COL24A1: variants seen among roughly 807,000 people sequenced by gnomAD.
The protein encoded by COL24A1 is collagen alpha-1(XXIV) chain.
Under a neutral mutation model 253.9 loss-of-function variants are expected in COL24A1, and 224 were observed. The ratio of observed to expected loss-of-function variants is 0.88; its 90% CI spans 0.79 to 0.99. The LOEUF (loss-of-function observed/expected upper bound fraction) is 0.99. COL24A1 is among the 50% of genes least tolerant of loss of function. The probability of loss-of-function intolerance (pLI) is 0.00; values close to 1 mark genes in which losing one functional copy is unlikely to be tolerated. For synonymous variants in COL24A1, 685 were observed against 673.7 expected (o/e 1.02, Z -0.26); for missense variants, 2,131 against 2,068.5 (o/e 1.03, Z -0.59).
chr1:85,927,121 C>T (rs943570094), intron 24 of COL24A1, among the ~76,000 whole-genome samples: 5 of 152,094 alleles, frequency 3.3e-5, no homozygotes, highest in Admixed American at 6.5e-5. Context: ...CAGCTCCCAG[C>T]GTGAGCGACG....
chr1:85,862,501 C>A (rs1679270549), intron 37 of COL24A1, among the ~76,000 whole-genome samples: 1 of 152,108 alleles, frequency 6.6e-6, no homozygotes, highest in Non-Finnish European at 1.5e-5. Context: ...TGGGGCCCTG[C>A]TAACTTAGCA....
chr1:86,101,047 C>T (rs961581232), intron 5 of COL24A1, among the ~76,000 whole-genome samples: 4 of 151,910 alleles, frequency 2.6e-5, no homozygotes, highest in Non-Finnish European at 2.9e-5. Flanking sequence ...CAGAAGTGTG[C>T]GTCTGGGCAT....
At chr1:85,829,636 C>T (rs313762) in intron 43 of COL24A1, among the ~76,000 whole-genome samples, 26 of 151,840 alleles carry the variant, frequency 1.7e-4, no homozygotes, top group Admixed American at 7.9e-4. Flanking sequence ...TTATTCTTTT[C>T]TCTCTAAACT....
At chr1:85,856,898 C>T (rs896438571) in intron 37 of COL24A1, among the ~76,000 whole-genome samples, 1 of 151,896 alleles carries the variant, frequency 6.6e-6, no homozygotes, top group African/African-American at 2.4e-5. Flanking sequence ...ACAAAGCTGT[C>T]CTGTGATAGA....
At chr1:86,083,264 C>T (rs1031522252) in intron 7 of COL24A1, among the ~76,000 whole-genome samples, 2 of 151,636 alleles carry the variant, frequency 1.3e-5, no homozygotes, top group African/African-American at 4.8e-5. Context: ...CACCACTGCA[C>T]TCCAGCCTGG....
chr1:85,974,639 A>G (rs1173310364), intron 20 of COL24A1, among the ~76,000 whole-genome samples: 4 of 152,130 alleles, frequency 2.6e-5, no homozygotes, highest in Admixed American at 2.0e-4. Context: ...ACACAATTAG[A>G]GAGAGACACA....
intron 55 of COL24A1, among the ~76,000 whole-genome samples, chr1:85,757,729 T>C (rs541886466): frequency 1.3e-5 from 2 of 152,302 alleles, no homozygotes; most frequent in South Asian, 2.1e-4. Context: ...GTTGAATTTA[T>C]TGACTTTTTC....
At chr1:85,946,830 A>C (rs964645981) in intron 24 of COL24A1, among the ~76,000 whole-genome samples, 1 of 152,216 alleles carries the variant, frequency 6.6e-6, no homozygotes, top group Non-Finnish European at 1.5e-5. Context: ...TTTAATTTTC[A>C]ATATTCAAAC....
chr1:85,942,682 A>C (rs1688863039), intron 24 of COL24A1, among the ~76,000 whole-genome samples: 1 of 152,214 alleles, frequency 6.6e-6, no homozygotes, highest in Non-Finnish European at 1.5e-5. Context: ...CAAAATCCTC[A>C]ACATTAAAAT....
intron 47 of COL24A1, among the ~76,000 whole-genome samples, chr1:85,793,793 A>T (rs116438963): frequency 6.6e-6 from 1 of 152,238 alleles, no homozygotes; most frequent in African/African-American, 2.4e-5. Flanking sequence ...TTGGGATTTA[A>T]ATTTTCAAAA....
Position 86,097,543 on chromosome 1 carries a change from CCTCCCTCCTCCTCCCTT to C in COL24A1, c.1600-5240_1600-5224del, listed in dbSNP as rs1557609739. 6.6e-3 allele frequency among the ~76,000 whole-genome samples: 42 copies of C among 6,392 alleles called. 3 individuals carry two copies. Among genetic ancestry groups the C allele is most frequent in the East Asian group, 0.062 (18 of 288 alleles). The allele number at this position is 6,392 out of a possible 152,430, so 4.2% of individuals were successfully genotyped here. A position where few individuals can be genotyped will look rare whatever the true frequency, so the allele number is the denominator to read the frequency against. ...TCCTCCCTCCTCCCTCCTCCTCCCT[CCTCCCTCCTCCTCCCTT>C]CTCCTCCCCCTCCTCCTCCCCCCTC... On this transcript the variant is annotated intron_variant, in intron 5 of 59. Transcript: ENST00000370571.
intron 32 of COL24A1, among the ~76,000 whole-genome samples, chr1:85,877,889 A>T (rs1392419162): frequency 6.6e-6 from 1 of 152,204 alleles, no homozygotes; most frequent in African/African-American, 2.4e-5. Flanking sequence ...ACAAATTTGC[A>T]TCTTAAAGAA....
Position 85,838,581 on chromosome 1 carries a change from T to A in COL24A1, c.3681+4A>T. 6.2e-7 allele frequency: 1 copy of A among 1,613,168 alleles called. No homozygotes were observed. Among genetic ancestry groups the A allele is most frequent in the South Asian group, 1.1e-5 (1 of 91,066 alleles). On this transcript the variant is annotated splice_donor_region_variant and intron_variant, in intron 43 of 59. Transcript: ENST00000370571. ...CATTAGTAAGGGGTATAACTTGCAA[T>A]TACCTTATATCCCTCTGCTCCAGGC... is the stretch of plus-strand genomic sequence containing the variant.
intron 39 of COL24A1, among the ~76,000 whole-genome samples, chr1:85,845,706 A>G (rs1045272480): frequency 6.6e-6 from 1 of 151,936 alleles, no homozygotes; most frequent in African/African-American, 2.4e-5. Flanking sequence ...GATGTAACAG[A>G]AAAAGGATTA....
intron 37 of COL24A1, among the ~76,000 whole-genome samples, chr1:85,853,880 C>T (rs1364483076): frequency 6.6e-6 from 1 of 151,990 alleles, no homozygotes; most frequent in Non-Finnish European, 1.5e-5. Context: ...TTGTTGGATG[C>T]ATAATTTGCA....
intron 5 of COL24A1, among the ~76,000 whole-genome samples, chr1:86,097,501 CTTCTCCTCCT>C (rs1373315529): frequency 1.5e-4 from 3 of 19,622 alleles, no homozygotes; most frequent in African/African-American, 3.6e-4. Context: ...CTCCTCCTCC[CTTCTCCTCCT>C]CCCTCCTCCT....
At chr1:85,936,502 T>A (rs7526013) in intron 24 of COL24A1, among the ~76,000 whole-genome samples, 1 of 146,162 alleles carries the variant, frequency 6.8e-6, no homozygotes, top group African/African-American at 2.5e-5. Context: ...GTGGATCTGA[T>A]TGCACAGGTA....
intron 58 of COL24A1, chr1:85,736,061 C>G (rs76710587): frequency 1.2e-5 from 3 of 258,324 alleles, no homozygotes; most frequent in Admixed American, 9.3e-5. Flanking sequence ...GCTTTCTGAG[C>G]CTTAATTTCC....
intron 26 of COL24A1, 79 bp downstream of exon 26, chr1:85,909,871 C>A: frequency 8.7e-7 from 1 of 1,144,794 alleles, no homozygotes; most frequent in Admixed American, 1.7e-5. Flanking sequence ...AAATTCCAGC[C>A]CAGGCAATTC....
Sources: allele counts gnomAD v4.1 joint callset (sites outside exome capture counted in the v4.1 genomes callset), GRCh38; gene constraint gnomAD v4.1.1; transcripts MANE v1.5; gene names NCBI Gene and HGNC (gene_info 2026-07-23, HGNC 2026-07-21).